ROBO2: variants seen among roughly 807,000 people sequenced by gnomAD.
The protein encoded by ROBO2 is roundabout guidance receptor 2, also known as roundabout homolog 2.
Under a neutral mutation model 160.8 loss-of-function variants are expected in ROBO2, and 53 were observed. The observed-to-expected ratio is 0.33, with a 90% CI of 0.26 to 0.41. The LOEUF is 0.41. Ranked by LOEUF, ROBO2 falls within the 10% of genes least tolerant of loss-of-function variation. The probability of loss-of-function intolerance (pLI) is 1.00; values close to 1 mark genes in which losing one functional copy is unlikely to be tolerated. For synonymous variants in ROBO2, 664 were observed against 611.7 expected (o/e 1.09, Z -1.26); for missense variants, 1,577 against 1,722.4 (o/e 0.92, Z 1.49).
chr3:76,928,726 T>C (rs534368036), intron 2 of ROBO2, among the ~76,000 whole-genome samples: 21 of 152,290 alleles, frequency 1.4e-4, no homozygotes, highest in Non-Finnish European at 1.9e-4. Flanking sequence ...ATCAACCACT[T>C]CTTTCTCCAC....
chr3:76,614,879 G>A (rs1385821290), intron 2 of ROBO2, among the ~76,000 whole-genome samples: 1 of 152,018 alleles, frequency 6.6e-6, no homozygotes, highest in Non-Finnish European at 1.5e-5. Context: ...GGGTGACATA[G>A]GAACTATCAT....
chr3:77,529,686 G>A (rs1000032072), intron 6 of ROBO2, among the ~76,000 whole-genome samples: 5 of 151,856 alleles, frequency 3.3e-5, no homozygotes, highest in Non-Finnish European at 5.9e-5. Flanking sequence ...TTTTATTCCC[G>A]TTTGAAATGA....
chr3:77,555,529 T>C lies in ROBO2; in HGVS notation c.1232-2415T>C, dbSNP rs528782356. On this transcript the variant is annotated intron_variant, in intron 8 of 25. Coordinates refer to ENST00000461745, the Ensembl canonical transcript of ROBO2. ...ATACTTGAGTTTCAATATATTTCTC[T>C]AAAAGACTTCCGCATTAGTTCACTG... 2.6e-5 allele frequency among the ~76,000 whole-genome samples: 4 copies of C among 152,146 alleles called. No homozygotes were observed. The East Asian group carries it at 7.8e-4, about 30-fold the overall frequency.
chr3:76,354,921 A>G (rs903892836), intron 2 of ROBO2, among the ~76,000 whole-genome samples: 3 of 151,864 alleles, frequency 2.0e-5, no homozygotes, highest in Admixed American at 2.0e-4. Flanking sequence ...AGTTTTATAA[A>G]TCCAATTTTC....
chr3:77,162,971 A>G lies in ROBO2; in HGVS notation c.388+64631A>G, dbSNP rs546520821. The stretch of plus-strand genomic sequence containing the variant: ...CAGCCTCCCAAGTAGCTGGGATCAC[A>G]AGCATGCGCCACCATGCCCAGCTAA... On this transcript the variant is annotated intron_variant, in intron 2 of 25. Coordinates refer to ENST00000461745, the Ensembl canonical transcript of ROBO2. Among the ~76,000 whole-genome samples the G allele has an allele frequency of 2.0e-5, 3 of 151,494 alleles. No homozygotes were observed. In the East Asian group the frequency reaches 5.8e-4, roughly 29 times the overall value.
At chr3:76,217,019 C>T (rs1352695979) in intron 2 of ROBO2, among the ~76,000 whole-genome samples, 1 of 152,168 alleles carries the variant, frequency 6.6e-6, no homozygotes, top group Non-Finnish European at 1.5e-5. Context: ...CTCAAAACCG[C>T]TCAACTACAT....
chr3:76,942,527 G>T (rs536564986), intron 2 of ROBO2, among the ~76,000 whole-genome samples: 6 of 152,286 alleles, frequency 3.9e-5, no homozygotes, highest in African/African-American at 1.4e-4. Context: ...TTATCAACAT[G>T]CTGATGACAG....
At chr3:76,757,419 C>A (rs566920389) in intron 2 of ROBO2, among the ~76,000 whole-genome samples, 3 of 151,804 alleles carry the variant, frequency 2.0e-5, no homozygotes, top group Non-Finnish European at 1.5e-5. Context: ...TGCTATGCCT[C>A]TTCCATGTTT....
rs574042829 is a variant in ROBO2 at position 76,022,410 on chromosome 3, A to G, written c.109+84808A>G. Reference sequence around the variant, plus strand: ...TTTTCAATTTACTTTACCCAGATTCATCAGAGGAGTCATTATGGCAGCAAT... The same window carrying G: ...TTTTCAATTTACTTTACCCAGATTCGTCAGAGGAGTCATTATGGCAGCAAT... On this transcript the variant is annotated intron_variant, in intron 2 of 26. Transcript: ENST00000487694. Among the ~76,000 whole-genome samples, 7 of 151,976 alleles carry G rather than the reference A, an allele frequency of 4.6e-5. No individual in the cohort carries two copies. In the South Asian group the frequency reaches 1.4e-3, roughly 31 times the overall value.
chr3:76,789,788 A>T (rs531227202), intron 2 of ROBO2, among the ~76,000 whole-genome samples: 1 of 151,746 alleles, frequency 6.6e-6, no homozygotes, highest in South Asian at 2.1e-4. Flanking sequence ...GAACGTCAAG[A>T]AAAAGGAATG....
intron 2 of ROBO2, among the ~76,000 whole-genome samples, chr3:76,228,631 C>A (rs1308584253): frequency 1.3e-5 from 2 of 151,806 alleles, no homozygotes; most frequent in African/African-American, 4.8e-5. Flanking sequence ...TTCATTTGCC[C>A]TTTTCATTAT....
intron 2 of ROBO2, among the ~76,000 whole-genome samples, chr3:77,172,360 G>A (rs535303619): frequency 6.6e-6 from 1 of 152,038 alleles, no homozygotes; most frequent in East Asian, 1.9e-4. Context: ...TACATCAGAT[G>A]TATTTCTTTT....
intron 2 of ROBO2, among the ~76,000 whole-genome samples, chr3:76,057,786 T>C (rs939692815): frequency 1.6e-4 from 25 of 152,238 alleles, no homozygotes; most frequent in Admixed American, 1.0e-3. Flanking sequence ...ATTGGTTTTT[T>C]TTTGTCTGAA....
At chr3:76,350,899 A>T (rs1559806227) in intron 2 of ROBO2, among the ~76,000 whole-genome samples, 3 of 152,082 alleles carry the variant, frequency 2.0e-5, no homozygotes, top group East Asian at 3.9e-4. Flanking sequence ...TAGTCTGCTC[A>T]TAAAAGGATC....
intron 2 of ROBO2, among the ~76,000 whole-genome samples, chr3:76,492,587 A>G (rs2079896036): frequency 6.6e-6 from 1 of 152,104 alleles, no homozygotes; most frequent in Non-Finnish European, 1.5e-5. Flanking sequence ...AGGAAAAATA[A>G]TCAACTCAGT....
chr3:77,477,703 A>G, intron 3 of ROBO2, 132 bp downstream of exon 3: 4 of 955,526 alleles, frequency 4.2e-6, no homozygotes, highest in Non-Finnish European at 6.3e-6. Context: ...TACTGCCTTG[A>G]AAAGATTTAA....
chr3:76,080,381 C>A (rs1026354010), intron 2 of ROBO2, among the ~76,000 whole-genome samples: 1 of 152,096 alleles, frequency 6.6e-6, no homozygotes, highest in Admixed American at 6.5e-5. Flanking sequence ...TTCTACTGTT[C>A]CCAAAGATCA....
intron 2 of ROBO2, among the ~76,000 whole-genome samples, chr3:76,205,816 T>C (rs1702774950): frequency 6.6e-6 from 1 of 152,164 alleles, no homozygotes; most frequent in Non-Finnish European, 1.5e-5. Flanking sequence ...GTTTGAGGGT[T>C]CTGCCTGTTT....
intron 2 of ROBO2, among the ~76,000 whole-genome samples, chr3:76,736,283 A>AAAAATAAAATAAAATAAT (rs2093711349): frequency 8.4e-6 from 1 of 119,450 alleles, no homozygotes; most frequent in Non-Finnish European, 1.6e-5. Context: ...CTCCGTCTCA[A>AAAAATAAAATAAAATAAT]AAAATAAAAT....
Sources: allele counts gnomAD v4.1 joint callset (sites outside exome capture counted in the v4.1 genomes callset), GRCh38; gene constraint gnomAD v4.1.1; transcripts MANE v1.5; gene names NCBI Gene and HGNC (gene_info 2026-07-23, HGNC 2026-07-21).